IPCEF1: variants seen among roughly 807,000 people sequenced by gnomAD.
The protein encoded by IPCEF1 is interactor protein for cytohesin exchange factors 1.
In IPCEF1, 31 loss-of-function variants were observed where a neutral mutation model predicts 50.9. The observed-to-expected ratio is 0.61, with a 90% CI of 0.46 to 0.82. The LOEUF (loss-of-function observed/expected upper bound fraction) is 0.82. IPCEF1 is among the 40% of genes least tolerant of loss of function. The pLI, the probability that IPCEF1 is intolerant of heterozygous loss-of-function variation, is 0.00. For synonymous variants in IPCEF1, 181 were observed against 192.0 expected (o/e 0.94, Z 0.47); for missense variants, 458 against 514.0 (o/e 0.89, Z 1.05).
intron 1 of IPCEF1, chr6:154,306,851 T>C (rs1365540618): frequency 6.6e-6 from 1 of 152,238 alleles, no homozygotes; most frequent in Non-Finnish European, 1.5e-5. Flanking sequence ...TCATTTTTTT[T>C]GTATATCTCA....
intron 1 of IPCEF1, among the ~76,000 whole-genome samples, chr6:154,305,971 G>A (rs191013674): frequency 6.6e-6 from 1 of 152,214 alleles, no homozygotes; most frequent in East Asian, 1.9e-4. Context: ...GACTTGGACT[G>A]ACTTCCTTGC....
In IPCEF1 at chr6:154,200,012, G is replaced by A. The variant is rs1287098072; in HGVS notation, c.566C>T (p.Pro189Leu). ...AGAATACGACGTTCCACTCAGGCTG[G>A]GTGAGGATGAAGATGCCTGCTGTGC... Reference protein sequence around the residue: ...LTAQQASSSSPSLSGTSYSFS... With the variant: ...LTAQQASSSSLSLSGTSYSFS... Residue 189 changes from proline to leucine, a missense_variant, in exon 10 of 12, where the codon CCC becomes CTC. By Grantham distance (98) the Pro-to-Leu change is moderately conservative. Coordinates refer to ENST00000367220, the MANE Select transcript of IPCEF1 (RefSeq NM_001130700.2). 1.9e-6 allele frequency: 3 copies of A among 1,613,650 alleles called. No individual in the cohort carries two copies. The highest frequency in any genetic ancestry group is 2.5e-6 in the Non-Finnish European group (3 of 1,179,800).
intron 5 of IPCEF1, among the ~76,000 whole-genome samples, chr6:154,231,822 T>C (rs17085221): frequency 0.012 from 1,898 of 152,340 alleles, 15 homozygotes; most frequent in Middle Eastern, 0.024. Context: ...GGGTACATGA[T>C]TGATTTTTTA....
At chr6:154,166,007 G>T (rs1251872145) in intron 11 of IPCEF1, among the ~76,000 whole-genome samples, 1 of 152,246 alleles carries the variant, frequency 6.6e-6, no homozygotes, top group Non-Finnish European at 1.5e-5. Context: ...CCTCTCCATG[G>T]AGGAATGAAT....
intron 1 of IPCEF1, among the ~76,000 whole-genome samples, chr6:154,332,259 G>A (rs1388532804): frequency 1.4e-5 from 2 of 147,164 alleles, no homozygotes; most frequent in East Asian, 2.0e-4. Flanking sequence ...CATCTGACCT[G>A]TTGATAACTG....
chr6:154,170,542 T>G (rs1489561452), intron 10 of IPCEF1, among the ~76,000 whole-genome samples: 2 of 152,214 alleles, frequency 1.3e-5, no homozygotes, highest in Non-Finnish European at 2.9e-5. Context: ...TGACTTAAAA[T>G]GTTCATCAGC....
At chr6:154,322,603 C>T (rs755196760) in intron 1 of IPCEF1, among the ~76,000 whole-genome samples, 77 of 151,888 alleles carry the variant, frequency 5.1e-4, no homozygotes, top group Middle Eastern at 3.4e-3. Context: ...TTTGGGAGGC[C>T]GAGGGAGGCA....
chr6:154,212,659 A>AAT (rs1287669844), intron 9 of IPCEF1, 111 bp downstream of exon 9: 1 of 700,576 alleles, frequency 1.4e-6, no homozygotes, highest in Non-Finnish European at 2.4e-6. Flanking sequence ...CAGGTATCTT[A>AAT]ATTTAGCCCA....
chr6:154,301,497 G>A (rs1269698357), intron 1 of IPCEF1, among the ~76,000 whole-genome samples: 2 of 152,202 alleles, frequency 1.3e-5, no homozygotes, highest in African/African-American at 2.4e-5. Flanking sequence ...TTAATCTGCA[G>A]CATAGAACAG....
At chr6:154,192,695 A>G (rs9478518) in intron 10 of IPCEF1, among the ~76,000 whole-genome samples, 101,468 of 151,680 alleles carry the variant, frequency 0.67, 34,516 homozygotes, top group East Asian at 0.89. Flanking sequence ...CTATCAAAAA[A>G]TGGGCTAAGG....
intron 1 of IPCEF1, among the ~76,000 whole-genome samples, chr6:154,304,694 C>T (rs1218245229): frequency 6.6e-6 from 1 of 152,176 alleles, no homozygotes; most frequent in African/African-American, 2.4e-5. Flanking sequence ...CTATTGAAGG[C>T]TCTCTGCTGA....
intron 1 of IPCEF1, among the ~76,000 whole-genome samples, chr6:154,339,881 G>A (rs1434993446): frequency 6.6e-6 from 1 of 152,122 alleles, no homozygotes; most frequent in African/African-American, 2.4e-5. Flanking sequence ...ACAGGCATGA[G>A]CCGCCGCTCC....
At position 154,253,460 on chromosome 6, in the gene IPCEF1, C is replaced by T. The variant is rs145354474; in HGVS notation, c.37-5972G>A. On this transcript the variant is annotated intron_variant, in intron 3 of 11. Transcript: ENST00000367220. ...TGTTTTCACGTTGATACATGTATCT[C>T]TAGTTCATTTTCAATGCTGCATAGT... 6.6e-5 allele frequency among the ~76,000 whole-genome samples: 10 copies of T among 152,284 alleles called. No homozygotes were observed. In the East Asian group the frequency reaches 1.3e-3, roughly 21 times the overall value.
chr6:154,180,407 TATATA>T lies in IPCEF1; in HGVS notation c.911-12299_911-12295del, dbSNP rs1365514334. 1.9e-3 allele frequency among the ~76,000 whole-genome samples: 77 copies of T among 40,186 alleles called. 1 individual carries two copies. Among genetic ancestry groups the T allele is most frequent in the Middle Eastern group, 0.017 (1 of 60 alleles). The allele number at this position is 40,186 out of a possible 152,430, so 26.4% of individuals were successfully genotyped here. A position where few individuals can be genotyped will look rare whatever the true frequency, so the allele number is the denominator to read the frequency against. On this transcript the variant is annotated intron_variant, in intron 10 of 11. Transcript: ENST00000367220. ...ACAACTATATATATATATATATATA[TATATA>T]TATTTTTTTTTTAAACATGATCCTT...
chr6:154,343,954 C>T (rs1242623632), intron 1 of IPCEF1, among the ~76,000 whole-genome samples: 1 of 152,158 alleles, frequency 6.6e-6, no homozygotes, highest in Non-Finnish European at 1.5e-5. Context: ...GTGTGTAGAA[C>T]ATCAAGGCGC....
intron 1 of IPCEF1, among the ~76,000 whole-genome samples, chr6:154,330,816 G>C (rs902654130): frequency 1.3e-5 from 2 of 152,140 alleles, no homozygotes; most frequent in Non-Finnish European, 2.9e-5. Flanking sequence ...AAATAGTCTG[G>C]CTTAGTGGTT....
At chr6:154,343,299 C>T (rs1259772539) in intron 1 of IPCEF1, among the ~76,000 whole-genome samples, 1 of 151,994 alleles carries the variant, frequency 6.6e-6, no homozygotes, top group Non-Finnish European at 1.5e-5. Context: ...ATGTCATGTG[C>T]TTCTAGGGCT....
intron 1 of IPCEF1, among the ~76,000 whole-genome samples, chr6:154,344,002 C>T (rs988340385): frequency 2.0e-5 from 3 of 152,160 alleles, no homozygotes; most frequent in African/African-American, 7.2e-5. Context: ...GTGGGAGGGC[C>T]AGTTTTTGTG....
intron 1 of IPCEF1, among the ~76,000 whole-genome samples, chr6:154,344,235 C>T (rs1354500717): frequency 6.6e-6 from 1 of 152,192 alleles, no homozygotes; most frequent in Non-Finnish European, 1.5e-5. Context: ...CTCCTTAAAA[C>T]CACTCCACGT....
Sources: allele counts gnomAD v4.1 joint callset (sites outside exome capture counted in the v4.1 genomes callset), GRCh38; gene constraint gnomAD v4.1.1; transcripts MANE v1.5; gene names NCBI Gene and HGNC (gene_info 2026-07-23, HGNC 2026-07-21).